The following CECR2 variants were observed in gnomAD, a reference collection of about 807,000 sequenced individuals.
The protein encoded by CECR2 is chromatin remodeling regulator CECR2.
Under a neutral mutation model 154.5 loss-of-function variants are expected in CECR2, and 30 were observed. The ratio of observed to expected loss-of-function variants is 0.19; its 90% CI spans 0.15 to 0.26. The LOEUF (loss-of-function observed/expected upper bound fraction) is 0.26, where lower values mean the gene tolerates loss of function less well. Ranked by LOEUF, CECR2 falls within the 10% of genes least tolerant of loss-of-function variation. The probability of loss-of-function intolerance (pLI) is 1.00; values close to 1 mark genes in which losing one functional copy is unlikely to be tolerated. For synonymous variants in CECR2, 725 were observed against 683.7 expected, an observed-to-expected ratio of 1.06 and a Z score of -0.94; for missense variants, 1,743 against 1,829.3, an observed-to-expected ratio of 0.95 and a Z score of 0.86.
intron 1 of CECR2, among the ~76,000 whole-genome samples, chr22:17,473,409 CT>C (rs1464318231): frequency 6.6e-6 from 1 of 152,186 alleles, no homozygotes; most frequent in East Asian, 1.9e-4. Flanking sequence ...TAGTCTAAGA[CT>C]TAAGCTCTGG....
chr22:17,421,420 C>T (rs2146602719), intron 1 of CECR2, among the ~76,000 whole-genome samples: 1 of 152,066 alleles, frequency 6.6e-6, no homozygotes, highest in Non-Finnish European at 1.5e-5. Context: ...TCGAGACCAT[C>T]CCGGCTAAAA....
At chr22:17,446,129 A>C (rs947515727) in intron 1 of CECR2, among the ~76,000 whole-genome samples, 1 of 152,138 alleles carries the variant, frequency 6.6e-6, no homozygotes, top group Non-Finnish European at 1.5e-5. Context: ...ATGAATCAAA[A>C]TAGCCATTAA....
intron 1 of CECR2, among the ~76,000 whole-genome samples, chr22:17,453,373 C>G (rs1371792083): frequency 6.6e-6 from 1 of 152,042 alleles, no homozygotes; most frequent in African/African-American, 2.4e-5. Flanking sequence ...ACCCAGGAGG[C>G]GGAGGTTGTG....
rs764864172 is a variant in CECR2, at chr22:17,548,597, A to G, written c.3310A>G (p.Thr1104Ala). ...ACAGAACGCAGCGACACCGCCCAGC[A>G]CAGACCCCGGTTTGACGGGAGGCAC... ...TGQNAATPPSTDPGLTGGTVS... is the reference protein window; with the variant it reads ...TGQNAATPPSADPGLTGGTVS... The change falls in exon 17 of 19, where the codon ACA (threonine) becomes GCA (alanine). Residue 1104 changes from threonine (T) to alanine (A), a missense_variant. Around this residue, in one of 4 missense-constraint regions of CECR2, gnomAD observed 1,250 missense variants for 1,192.1 expected, o/e 1.05. Coordinates refer to ENST00000262608, the MANE Select transcript of CECR2 (RefSeq NM_001290047.2). The G allele has an allele frequency of 6.2e-7, 1 of 1,613,598 alleles. No individual in the cohort carries two copies. Among genetic ancestry groups the G allele is most frequent in the Non-Finnish European group, 8.5e-7 (1 of 1,179,762 alleles).
chr22:17,401,388 A>G (rs1249792774), intron 1 of CECR2, among the ~76,000 whole-genome samples: 1 of 152,160 alleles, frequency 6.6e-6, no homozygotes, highest in Non-Finnish European at 1.5e-5. Flanking sequence ...TAGTGAAACC[A>G]TTACCACGTC....
At chr22:17,530,718 A>T (rs1403237462) in intron 9 of CECR2, among the ~76,000 whole-genome samples, 1 of 152,000 alleles carries the variant, frequency 6.6e-6, no homozygotes, top group East Asian at 1.9e-4. Context: ...GCAAAAAGTG[A>T]AACAGCCAAG....
chr22:17,402,147 C>T (rs957435033), intron 1 of CECR2, among the ~76,000 whole-genome samples: 1 of 152,102 alleles, frequency 6.6e-6, no homozygotes, highest in Non-Finnish European at 1.5e-5. Context: ...CCATGCCCAG[C>T]TAATTTCTTG....
At chr22:17,418,647 G>C (rs868403555) in intron 1 of CECR2, 3 of 249,064 alleles carry the variant, frequency 1.2e-5, no homozygotes, top group Admixed American at 4.9e-5. Context: ...CAGTCTCGCT[G>C]TGTGCCAGAC....
intron 8 of CECR2, among the ~76,000 whole-genome samples, chr22:17,514,373 T>C (rs140134439): frequency 9.2e-5 from 14 of 152,300 alleles, no homozygotes; most frequent in Non-Finnish European, 1.6e-4. Flanking sequence ...TGGGCATTGC[T>C]TAAACCAGGG....
chr22:17,552,695 G>C lies in CECR2; in HGVS notation c.4390-140G>C, dbSNP rs186163558. 4.3e-5 allele frequency: 34 copies of C among 796,428 alleles called. No individual in the cohort carries two copies. The African/African-American group carries it at 5.7e-4, about 13-fold the overall frequency. The allele number at this position is 796,428 out of a possible 1,614,324, so 49.3% of individuals were successfully genotyped here. On this transcript the variant is annotated intron_variant, in intron 18 of 18. Coordinates refer to ENST00000262608, the MANE Select transcript of CECR2 (RefSeq NM_001290047.2). ...TCCAGGACTCTAGAACCTACCCTCT[G>C]GAAGTAAACTGTAACTGATGAAACA...
chr22:17,492,352 T>C (rs1326240872), intron 2 of CECR2, among the ~76,000 whole-genome samples: 1 of 152,184 alleles, frequency 6.6e-6, no homozygotes, highest in Non-Finnish European at 1.5e-5. Flanking sequence ...GGTGCAGATA[T>C]TAACAATGTG....
rs540188172 is a variant in CECR2 at position 17,413,968 on chromosome 22, C to T, written c.126+44059C>T. On this transcript the variant is annotated intron_variant, in intron 1 of 18. Coordinates refer to ENST00000262608, the MANE Select transcript of CECR2 (RefSeq NM_001290047.2). Reference sequence around the variant, plus strand: ...CTGGGATTACAGGCGTGAACCACCGCGCCCGGCCTATTATTATTTTTTGAG... The same window carrying T: ...CTGGGATTACAGGCGTGAACCACCGTGCCCGGCCTATTATTATTTTTTGAG... 2.4e-4 allele frequency among the ~76,000 whole-genome samples: 34 copies of T among 141,090 alleles called. 1 individual carries two copies. The highest frequency in any genetic ancestry group is 1.6e-3 in the South Asian group (7 of 4,400). 92.6% of individuals were successfully genotyped at this position (141,090 alleles called of 152,430 possible). A position where few individuals can be genotyped will look rare whatever the true frequency, so the allele number is the denominator to read the frequency against.
intron 1 of CECR2, among the ~76,000 whole-genome samples, chr22:17,470,543 C>G (rs2146768698): frequency 6.6e-6 from 1 of 152,284 alleles, no homozygotes; most frequent in African/African-American, 2.4e-5. Context: ...TTATCTCTGG[C>G]ATCACTCACC....
At chr22:17,405,761 G>A (rs907260496) in intron 1 of CECR2, among the ~76,000 whole-genome samples, 1 of 151,426 alleles carries the variant, frequency 6.6e-6, no homozygotes, top group African/African-American at 2.4e-5. Flanking sequence ...CAACCTGTTT[G>A]TAGATTCCAT....
intron 1 of CECR2, among the ~76,000 whole-genome samples, chr22:17,380,571 A>C (rs2063175537): frequency 6.6e-6 from 1 of 152,148 alleles, no homozygotes; most frequent in Non-Finnish European, 1.5e-5. Context: ...TGTGTCACTG[A>C]GGCATGTGGC....
chr22:17,535,655 TC>T (rs2147003543), intron 9 of CECR2, among the ~76,000 whole-genome samples: 1 of 151,166 alleles, frequency 6.6e-6, no homozygotes, highest in African/African-American at 2.4e-5. Flanking sequence ...TTTACAGTTT[TC>T]TTTATGGTTG....
At chr22:17,423,625 G>T (rs2054289852) in intron 1 of CECR2, among the ~76,000 whole-genome samples, 2 of 152,270 alleles carry the variant, frequency 1.3e-5, no homozygotes, top group South Asian at 4.1e-4. Flanking sequence ...ATGATAACCT[G>T]GTAGAACTCC....
At chr22:17,551,918 A>C in intron 17 of CECR2, 113 bp from the exon 18 acceptor site, 1 of 976,694 alleles carries the variant, frequency 1.0e-6, no homozygotes, top group African/African-American at 1.6e-5. Flanking sequence ...GGATGATTCC[A>C]GGCCTGATCA....
intron 8 of CECR2, among the ~76,000 whole-genome samples, chr22:17,523,890 A>C (rs923627321): frequency 6.6e-6 from 1 of 152,160 alleles, no homozygotes; most frequent in African/African-American, 2.4e-5. Context: ...AAATACCACA[A>C]ATTATATAAA....
Sources: gnomAD v4.1 joint callset for allele counts (sites outside exome capture counted in the v4.1 genomes callset) on GRCh38, gnomAD v4.1.1 for gene constraint, gnomAD v4.1.1 regional missense constraint, MANE v1.5 for transcripts, NCBI Gene and HGNC (gene_info 2026-07-23, HGNC 2026-07-21) for gene names.